The following EBF2 variants were observed in gnomAD, a reference collection of about 807,000 sequenced individuals.
EBF2 encodes transcription factor COE2.
EBF2 carries 21 observed loss-of-function variants against 72.8 expected under a neutral mutation model. The ratio of observed to expected loss-of-function variants is 0.29; its 90% confidence interval spans 0.20 to 0.42. EBF2 has a LOEUF of 0.42. Among genes scored for constraint, EBF2 ranks in the 10% least tolerant of loss-of-function variants. The pLI is 1.00. For synonymous variants in EBF2, 299 were observed against 274.2 expected, an observed-to-expected ratio of 1.09 and a Z score of -0.89; for missense variants, 637 against 731.2, an observed-to-expected ratio of 0.87 and a Z score of 1.49.
chr8:25,916,337 CA>C (rs558840081), intron 6 of EBF2, among the ~76,000 whole-genome samples: 2 of 146,226 alleles, frequency 1.4e-5, no homozygotes, highest in African/African-American at 2.5e-5. Flanking sequence ...ACAACAACAA[CA>C]AAAAAACACT....
In EBF2 at chr8:26,042,077, G is replaced by T; in HGVS notation, c.288+18C>A. The T allele has an allele frequency of 6.2e-7, 1 of 1,612,404 alleles. No individual in the cohort carries two copies. On this transcript the variant is annotated intron_variant, in intron 2 of 15. Transcript: ENST00000520164. ...GGAGTTATTAGGCCGCGGGGTTTGGGGGGTACTTTCCGCTTACTTTGTCAT... is the reference window on the plus strand; with the variant it reads ...GGAGTTATTAGGCCGCGGGGTTTGGTGGGTACTTTCCGCTTACTTTGTCAT...
At chr8:26,009,358 T>C (rs956900597) in intron 6 of EBF2, among the ~76,000 whole-genome samples, 3 of 152,194 alleles carry the variant, frequency 2.0e-5, no homozygotes, top group African/African-American at 7.2e-5. Flanking sequence ...AGCAGATCTA[T>C]GTGTAACCGT....
chr8:25,854,896 G>A (rs1472517859), intron 14 of EBF2, among the ~76,000 whole-genome samples: 3 of 152,206 alleles, frequency 2.0e-5, no homozygotes, highest in South Asian at 4.1e-4. Context: ...ATGAGGACAA[G>A]TTGGCTTCCT....
chr8:25,902,837 G>T (rs766807467), intron 7 of EBF2, among the ~76,000 whole-genome samples: 2 of 152,186 alleles, frequency 1.3e-5, no homozygotes, highest in Non-Finnish European at 2.9e-5. Flanking sequence ...GTTGGAGAGG[G>T]GTGAAGGGTT....
intron 6 of EBF2, among the ~76,000 whole-genome samples, chr8:26,011,795 T>C (rs1338110718): frequency 1.3e-5 from 2 of 152,124 alleles, no homozygotes; most frequent in East Asian, 3.9e-4. Context: ...GAATAGAATT[T>C]ACTTGAACTT....
At chr8:25,889,127 T>G (rs1802736695) in intron 8 of EBF2, among the ~76,000 whole-genome samples, 1 of 152,188 alleles carries the variant, frequency 6.6e-6, no homozygotes, top group South Asian at 2.1e-4. Context: ...ACCAACATTC[T>G]GTATTATAAG....
chr8:25,860,328 G>A (rs868646948), intron 13 of EBF2, among the ~76,000 whole-genome samples: 6 of 152,230 alleles, frequency 3.9e-5, no homozygotes, highest in Middle Eastern at 6.8e-3. Flanking sequence ...CTACCAGGAA[G>A]AGAAATTTGG....
In EBF2 at chr8:26,042,130, GCTCGAT is replaced by G; in HGVS notation, c.247_252del (p.Ile83_Glu84del). The G allele has an allele frequency of 6.2e-7, 1 of 1,613,644 alleles. No homozygotes were observed. Among genetic ancestry groups the G allele is most frequent in the Non-Finnish European group, 8.5e-7 (1 of 1,179,860 alleles). On this transcript the variant is annotated inframe_deletion, in exon 2 of 16. Transcript: ENST00000520164. ...TCCACAAAGTCCACGAAGGCCGTCCGCTCGATCTCCACCGGCTGGCCCTGCCTGTCA... is the reference window on the plus strand; with the variant it reads ...TCCACAAAGTCCACGAAGGCCGTCCGCTCCACCGGCTGGCCCTGCCTGTCA...
intron 6 of EBF2, among the ~76,000 whole-genome samples, chr8:25,992,810 G>T (rs995304414): frequency 6.6e-6 from 1 of 151,740 alleles, no homozygotes; most frequent in Admixed American, 6.6e-5. Flanking sequence ...AGGCTGAGGT[G>T]GGAGGATAGC....
intron 6 of EBF2, among the ~76,000 whole-genome samples, chr8:26,027,831 G>T (rs1194974421): frequency 1.3e-5 from 2 of 152,142 alleles, no homozygotes; most frequent in African/African-American, 4.8e-5. Context: ...AGTCCTTGAG[G>T]TGATGCTAAG....
chr8:25,981,789 A>G (rs1804365310), intron 6 of EBF2, among the ~76,000 whole-genome samples: 1 of 99,768 alleles, frequency 1.0e-5, no homozygotes, highest in Admixed American at 1.1e-4. Flanking sequence ...TTGAGACTCC[A>G]TCTTAAAAAA....
At chr8:26,003,293 C>G (rs1585222996) in intron 6 of EBF2, among the ~76,000 whole-genome samples, 1 of 152,056 alleles carries the variant, frequency 6.6e-6, no homozygotes, top group Admixed American at 6.6e-5. Flanking sequence ...CTGAATGCCC[C>G]CTGAGAGCTG....
intron 2 of EBF2, 100 bp from the exon 3 acceptor site, chr8:26,041,102 C>T (rs1805592389): frequency 4.3e-6 from 6 of 1,392,734 alleles, no homozygotes; most frequent in Non-Finnish European, 1.0e-6. Context: ...TTCTCCCCAT[C>T]AAAAGGCAGC....
At chr8:25,882,102 C>A (rs1272557282) in intron 10 of EBF2, among the ~76,000 whole-genome samples, 1 of 152,148 alleles carries the variant, frequency 6.6e-6, no homozygotes, top group African/African-American at 2.4e-5. Flanking sequence ...AGCTGAGTAA[C>A]ACAAGCCGCC....
intron 10 of EBF2, among the ~76,000 whole-genome samples, chr8:25,875,043 G>A (rs1802499891): frequency 1.3e-5 from 2 of 151,978 alleles, no homozygotes; most frequent in African/African-American, 2.4e-5. Context: ...CAAAGGCCAT[G>A]TTCTTGGGCT....
chr8:25,857,723 T>C (rs1802123423), intron 14 of EBF2, among the ~76,000 whole-genome samples: 1 of 152,142 alleles, frequency 6.6e-6, no homozygotes, highest in African/African-American at 2.4e-5. Context: ...TCTCAATATA[T>C]CACATGATTG....
At chr8:25,863,156 G>A (rs1335947310) in intron 10 of EBF2, among the ~76,000 whole-genome samples, 1 of 151,830 alleles carries the variant, frequency 6.6e-6, no homozygotes, top group African/African-American at 2.4e-5. Flanking sequence ...AAGTAGGACT[G>A]CACTGTCTAT....
intron 15 of EBF2, among the ~76,000 whole-genome samples, chr8:25,849,308 G>A (rs1801909567): frequency 6.6e-6 from 1 of 152,162 alleles, no homozygotes; most frequent in African/African-American, 2.4e-5. Flanking sequence ...GTGTTGGGAT[G>A]GCTCAGGAAC....
At chr8:25,891,212 G>C (rs569805967) in intron 7 of EBF2, among the ~76,000 whole-genome samples, 2 of 152,140 alleles carry the variant, frequency 1.3e-5, no homozygotes, top group Non-Finnish European at 1.5e-5. Flanking sequence ...GATCAGGGGT[G>C]GGGGAGAAGC....
Sources: allele counts gnomAD v4.1 joint callset (sites outside exome capture counted in the v4.1 genomes callset), GRCh38; gene constraint gnomAD v4.1.1; transcripts MANE v1.5; gene names NCBI Gene and HGNC (gene_info 2026-07-23, HGNC 2026-07-21).